PLCB4: variants seen among roughly 807,000 people sequenced by gnomAD.
The protein encoded by PLCB4 is phospholipase C beta 4, also known as 1-phosphatidylinositol 4,5-bisphosphate phosphodiesterase beta-4.
Under a neutral mutation model 178.8 loss-of-function variants are expected in PLCB4, and 77 were observed. That is an observed-to-expected ratio of 0.43 (90% confidence interval 0.36 to 0.52). The LOEUF is 0.52. Ranked by LOEUF, PLCB4 falls within the 20% of genes least tolerant of loss-of-function variation. The pLI is 0.00. For synonymous variants in PLCB4, 496 were observed against 490.8 expected (o/e 1.01, Z -0.14); for missense variants, 1,024 against 1,453.4 (o/e 0.70, Z 4.80).
chr20:9,375,920 A>G (rs2036627615), intron 12 of PLCB4, among the ~76,000 whole-genome samples: 1 of 152,168 alleles, frequency 6.6e-6, no homozygotes, highest in African/African-American at 2.4e-5. Context: ...AGCAAAAGAC[A>G]TGCTGGTTCC....
chr20:9,437,133 T>C lies in PLCB4; in HGVS notation c.2745T>C (p.Ser915=), dbSNP rs1311477981. The C allele has an allele frequency of 2.5e-6, 4 of 1,613,882 alleles. No individual in the cohort carries two copies. The African/African-American group carries it at 5.3e-5, about 22-fold the overall frequency. The change falls in exon 30 of 40, where the codon TCT becomes TCC. Residue 915 remains serine (S), a synonymous_variant. Coordinates refer to ENST00000378473, the MANE Select transcript of PLCB4 (RefSeq NM_001377142.1). ...LRPTTTAALA[S]GVEAKKGIEL... ...CAACCACCACGGCTGCCCTGGCCTC[T>C]GGTGTGGAAGCCAAGAAAGGTGAGA...
chr20:9,136,167 T>G (rs1010084704), intron 2 of PLCB4, among the ~76,000 whole-genome samples: 8 of 151,962 alleles, frequency 5.3e-5, no homozygotes, highest in Admixed American at 2.6e-4. Context: ...CACTCTAAAG[T>G]GAGTCTATTT....
intron 35 of PLCB4, among the ~76,000 whole-genome samples, chr20:9,466,205 A>T (rs528980751): frequency 6.6e-6 from 1 of 152,342 alleles, no homozygotes; most frequent in South Asian, 2.1e-4. Flanking sequence ...TATTTAATAA[A>T]TGGTGCTGGG....
chr20:9,354,952 G>A (rs776442380), intron 7 of PLCB4, among the ~76,000 whole-genome samples: 32 of 152,160 alleles, frequency 2.1e-4, no homozygotes, highest in Non-Finnish European at 4.1e-4. Context: ...ATAGGTTCAC[G>A]TTAGAGTTAC....
chr20:9,322,950 G>A (rs2094977266), intron 4 of PLCB4, among the ~76,000 whole-genome samples: 1 of 152,306 alleles, frequency 6.6e-6, no homozygotes, highest in African/African-American at 2.4e-5. Flanking sequence ...TGAAAAATGG[G>A]AGTGATAATA....
At chr20:9,232,863 G>A (rs1448636128) in intron 3 of PLCB4, among the ~76,000 whole-genome samples, 1 of 152,078 alleles carries the variant, frequency 6.6e-6, no homozygotes, top group Non-Finnish European at 1.5e-5. Flanking sequence ...TATTTTGGCT[G>A]TTCAGTCTCC....
intron 2 of PLCB4, among the ~76,000 whole-genome samples, chr20:9,155,992 T>A (rs1200423980): frequency 6.6e-6 from 1 of 152,180 alleles, no homozygotes; most frequent in Non-Finnish European, 1.5e-5. Context: ...CGTGGAGAAC[T>A]TCTCTTTATA....
At chr20:9,174,452 CTT>C (rs71184133) in intron 2 of PLCB4, among the ~76,000 whole-genome samples, 24 of 141,400 alleles carry the variant, frequency 1.7e-4, no homozygotes, top group South Asian at 4.5e-4. Context: ...GCCTATTCTT[CTT>C]TTTTTTTTTT....
intron 3 of PLCB4, among the ~76,000 whole-genome samples, chr20:9,302,854 C>CTT (rs796654636): frequency 4.0e-4 from 58 of 145,864 alleles, no homozygotes; most frequent in African/African-American, 1.4e-3. Flanking sequence ...CTGTAAAAAG[C>CTT]TTTTTTTTTT....
intron 1 of PLCB4, among the ~76,000 whole-genome samples, chr20:9,072,033 A>C (rs2089600562): frequency 6.6e-6 from 1 of 152,248 alleles, no homozygotes; most frequent in Non-Finnish European, 1.5e-5. Flanking sequence ...TTTTATGTCC[A>C]GATTGAAGTT....
rs554132341 is a variant in PLCB4, at chr20:9,218,427, T to C, written c.-16+975T>C. 3.9e-5 allele frequency among the ~76,000 whole-genome samples: 6 copies of C among 152,322 alleles called. No homozygotes were observed. The East Asian group carries it at 1.2e-3, about 29-fold the overall frequency. ...GCTCAAATTGCTATTTTTAAATTGC[T>C]GTTACAAGTAAAGCATTTGGACTAT... On this transcript the variant is annotated intron_variant, in intron 3 of 39. Transcript: ENST00000378473.
intron 7 of PLCB4, among the ~76,000 whole-genome samples, chr20:9,360,445 A>G (rs1255584762): frequency 6.6e-6 from 1 of 152,152 alleles, no homozygotes; most frequent in African/African-American, 2.4e-5. Flanking sequence ...GATCAGAAAA[A>G]GCCCAGTGAA....
intron 2 of PLCB4, among the ~76,000 whole-genome samples, chr20:9,208,521 T>C (rs1053121164): frequency 3.3e-5 from 5 of 152,154 alleles, no homozygotes; most frequent in African/African-American, 1.2e-4. Flanking sequence ...ATTTTAATTA[T>C]ATTTAAACTT....
intron 33 of PLCB4, among the ~76,000 whole-genome samples, chr20:9,455,101 G>A (rs1263855621): frequency 6.6e-6 from 1 of 151,986 alleles, no homozygotes; most frequent in African/African-American, 2.4e-5. Flanking sequence ...TTTCTTTTTT[G>A]TAAATTAATT....
chr20:9,183,429 G>C (rs1036229247), intron 2 of PLCB4, among the ~76,000 whole-genome samples: 2 of 152,236 alleles, frequency 1.3e-5, no homozygotes, highest in Non-Finnish European at 2.9e-5. Flanking sequence ...TGGGGGAAAG[G>C]GCTGTGATAC....
At chr20:9,147,222 T>A (rs2092614087) in intron 2 of PLCB4, among the ~76,000 whole-genome samples, 1 of 152,150 alleles carries the variant, frequency 6.6e-6, no homozygotes, top group Non-Finnish European at 1.5e-5. Flanking sequence ...ACTTCTTTAT[T>A]GTGGGGCTTC....
intron 35 of PLCB4, among the ~76,000 whole-genome samples, chr20:9,467,363 CA>C (rs1468022240): frequency 6.6e-6 from 1 of 152,286 alleles, no homozygotes. Flanking sequence ...ACCAACATGG[CA>C]CATGTATACC....
At chr20:9,466,641 A>G (rs1372889560) in intron 35 of PLCB4, among the ~76,000 whole-genome samples, 1 of 152,256 alleles carries the variant, frequency 6.6e-6, no homozygotes, top group Non-Finnish European at 1.5e-5. Context: ...ACACTTCTCA[A>G]AAGGAGACAT....
At chr20:9,207,589 C>T (rs1462510526) in intron 2 of PLCB4, among the ~76,000 whole-genome samples, 2 of 152,168 alleles carry the variant, frequency 1.3e-5, no homozygotes. Context: ...CACGTGGTGC[C>T]GTGCTGCCAT....
Sources: allele counts gnomAD v4.1 joint callset (sites outside exome capture counted in the v4.1 genomes callset), GRCh38; gene constraint gnomAD v4.1.1; transcripts MANE v1.5; gene names NCBI Gene and HGNC (gene_info 2026-07-23, HGNC 2026-07-21).